Variants in ARID1B observed in about 807,000 individuals in gnomAD.
ARID1B encodes AT-rich interactive domain-containing protein 1B.
Under a neutral mutation model 212.3 loss-of-function variants are expected in ARID1B, and 30 were observed. The observed-to-expected ratio is 0.14, with a 90% CI of 0.11 to 0.19. ARID1B has a LOEUF of 0.19. ARID1B is among the 10% of genes least tolerant of loss of function. The probability of loss-of-function intolerance (pLI) is 1.00; values close to 1 mark genes in which losing one functional copy is unlikely to be tolerated. For missense variants in ARID1B, 2,891 were observed against 3,204.0 expected (o/e 0.90, Z 2.36); for synonymous variants, 1,402 against 1,301.7 (o/e 1.08, Z -1.66).
At chr6:157,138,680 A>G (rs766894721) in intron 7 of ARID1B, among the ~76,000 whole-genome samples, 14 of 152,168 alleles carry the variant, frequency 9.2e-5, no homozygotes, top group Non-Finnish European at 1.8e-4. Flanking sequence ...TCCAAAGACT[A>G]GATTCTGTGC....
At chr6:157,139,994 G>A (rs962666787) in intron 7 of ARID1B, among the ~76,000 whole-genome samples, 3 of 151,908 alleles carry the variant, frequency 2.0e-5, no homozygotes, top group African/African-American at 4.8e-5. Context: ...AAAGTGCTGG[G>A]ATTACAGGTA....
intron 2 of ARID1B, among the ~76,000 whole-genome samples, chr6:156,834,667 C>T (rs574780784): frequency 1.2e-4 from 18 of 152,252 alleles, no homozygotes; most frequent in African/African-American, 3.1e-4. Flanking sequence ...TTCATACATT[C>T]GTGTTCTGTA....
At chr6:156,997,659 G>C (rs1000990048) in intron 4 of ARID1B, among the ~76,000 whole-genome samples, 2 of 126,982 alleles carry the variant, frequency 1.6e-5, no homozygotes, top group African/African-American at 5.4e-5. Flanking sequence ...ATTTTAACTT[G>C]TTTTTTTTTT....
At chr6:156,901,345 T>C (rs749430914) in intron 2 of ARID1B, 31 bp from the exon 3 acceptor site, 2 of 1,613,782 alleles carry the variant, frequency 1.2e-6, no homozygotes, top group Non-Finnish European at 1.7e-6. Context: ...CATTTTGACT[T>C]TCTCATTTGC....
chr6:157,179,485 CAT>C (rs1185677304), intron 11 of ARID1B, among the ~76,000 whole-genome samples: 2 of 152,110 alleles, frequency 1.3e-5, no homozygotes, highest in Non-Finnish European at 2.9e-5. Flanking sequence ...TATATTCACA[CAT>C]ATATGAATAT....
chr6:157,203,728 A>C lies in ARID1B; in HGVS notation c.5264-138A>C. On this transcript the variant is annotated intron_variant, in intron 18 of 19. Coordinates refer to ENST00000636930, the MANE Select transcript of ARID1B (RefSeq NM_001374828.1). This position sits in a 1 kb window ranked among gnomAD's most constrained non-coding sequence, Gnocchi z 4.4. ...TTTAAAATCGGAAATGATCACGCTT[A>C]ACTGTCCTTGAGAGCATTTGTTTAA... The C allele has an allele frequency of 9.2e-7, 1 of 1,090,072 alleles. No individual in the cohort carries two copies. The highest frequency in any genetic ancestry group is 1.4e-6 in the Non-Finnish European group (1 of 739,522). 67.5% of individuals were successfully genotyped at this position (1,090,072 alleles called of 1,614,324 possible). A position where few individuals can be genotyped will look rare whatever the true frequency, so the allele number is the denominator to read the frequency against.
At chr6:156,791,566 AG>A (rs1286994853) in intron 1 of ARID1B, among the ~76,000 whole-genome samples, 1 of 152,252 alleles carries the variant, frequency 6.6e-6, no homozygotes, top group African/African-American at 2.4e-5. Flanking sequence ...TTGCTGCCTC[AG>A]GAAGAAAAGG....
intron 3 of ARID1B, among the ~76,000 whole-genome samples, chr6:156,926,732 G>C (rs538637553): frequency 6.6e-6 from 1 of 152,168 alleles, no homozygotes; most frequent in South Asian, 2.1e-4. Flanking sequence ...GCCCAGGCTC[G>C]GGTGCAGTGG....
At chr6:156,851,822 T>G (rs1049248218) in intron 2 of ARID1B, among the ~76,000 whole-genome samples, 1 of 152,220 alleles carries the variant, frequency 6.6e-6, no homozygotes, top group Non-Finnish European at 1.5e-5. Flanking sequence ...TTTTAAAAGA[T>G]TCTAGGCTTG....
intron 9 of ARID1B, among the ~76,000 whole-genome samples, chr6:157,172,184 A>G (rs1583448124): frequency 6.6e-6 from 1 of 152,168 alleles, no homozygotes; most frequent in Non-Finnish European, 1.5e-5. Context: ...TTTAATGTAC[A>G]GGTTTACTAA....
chr6:156,893,695 A>G (rs986868230), intron 2 of ARID1B, among the ~76,000 whole-genome samples: 1 of 152,228 alleles, frequency 6.6e-6, no homozygotes, highest in African/African-American at 2.4e-5. Flanking sequence ...AGCACTGATC[A>G]TTAGAGAAAT....
intron 8 of ARID1B, among the ~76,000 whole-genome samples, chr6:157,159,805 T>C (rs750467619): frequency 4.6e-5 from 7 of 152,226 alleles, no homozygotes; most frequent in Non-Finnish European, 8.8e-5. Context: ...GGCAAAGACG[T>C]GCCAGGGAGA....
chr6:157,007,498 T>C (rs1779314691), intron 4 of ARID1B, among the ~76,000 whole-genome samples: 1 of 152,212 alleles, frequency 6.6e-6, no homozygotes, highest in Non-Finnish European at 1.5e-5. Flanking sequence ...TTTTGTTAAT[T>C]TAAAGCGAAC....
intron 6 of ARID1B, among the ~76,000 whole-genome samples, chr6:157,114,313 A>C (rs560838383): frequency 6.6e-6 from 1 of 152,130 alleles, no homozygotes; most frequent in South Asian, 2.1e-4. Flanking sequence ...ACTTGAGGTC[A>C]GGAGTTCGAG....
chr6:157,065,907 A>G (rs1329076384), intron 4 of ARID1B, among the ~76,000 whole-genome samples: 1 of 152,208 alleles, frequency 6.6e-6, no homozygotes, highest in African/African-American at 2.4e-5. Flanking sequence ...ACAACTTGAT[A>G]CATTTTCTCA....
chr6:156,914,793 C>A (rs1324065983), intron 3 of ARID1B, among the ~76,000 whole-genome samples: 1 of 152,214 alleles, frequency 6.6e-6, no homozygotes, highest in Non-Finnish European at 1.5e-5. Context: ...TATCCACAAA[C>A]CTGCCCTGTC....
At position 156,880,243 on chromosome 6, in the gene ARID1B, A is replaced by G. The variant is rs146126560; in HGVS notation, c.1987-21133A>G. Among the ~76,000 whole-genome samples the G allele has an allele frequency of 3.6e-3, 555 of 152,346 alleles. 4 individuals are homozygous for G. Among genetic ancestry groups the G allele is most frequent in the African/African-American group, 0.013 (524 of 41,580 alleles). On this transcript the variant is annotated intron_variant, in intron 2 of 19. Coordinates refer to ENST00000636930, the MANE Select transcript of ARID1B (RefSeq NM_001374828.1). ...TGATAAGAGAGAGAAGGGAGGAGCT[A>G]GAAAATGGAATGCTGGTAGTGAAAG...
chr6:157,196,722 G>A (rs1405470408), intron 16 of ARID1B, among the ~76,000 whole-genome samples: 1 of 152,178 alleles, frequency 6.6e-6, no homozygotes, highest in Admixed American at 6.5e-5. Flanking sequence ...CTGTCTGGGG[G>A]AAAGGCCTGT....
chr6:156,951,610 A>T (rs1793596815), intron 4 of ARID1B, among the ~76,000 whole-genome samples: 1 of 151,724 alleles, frequency 6.6e-6, no homozygotes, highest in South Asian at 2.1e-4. Flanking sequence ...CGCCCAACTA[A>T]TTTTTTGTGT....
Sources: allele counts gnomAD v4.1 joint callset (sites outside exome capture counted in the v4.1 genomes callset), GRCh38; gene constraint gnomAD v4.1.1; non-coding constraint Gnocchi (gnomAD v3.1); transcripts MANE v1.5; gene names NCBI Gene and HGNC (gene_info 2026-07-23, HGNC 2026-07-21).